Variants in CYB5R4 observed in about 807,000 individuals in gnomAD.
CYB5R4 encodes cytochrome b5 reductase 4, also known as N-terminal cytochrome b5 and cytochrome b5 oxidoreductase domain-containing protein.
Under a neutral mutation model 70.2 loss-of-function variants are expected in CYB5R4, and 55 were observed. The observed-to-expected ratio is 0.78, with a 90% confidence interval of 0.63 to 0.98. The LOEUF (loss-of-function observed/expected upper bound fraction) is 0.98. CYB5R4 is among the 50% of genes least tolerant of loss of function. The pLI, the probability that CYB5R4 is intolerant of heterozygous loss-of-function variation, is 0.00. For synonymous variants in CYB5R4, 197 were observed against 199.5 expected (o/e 0.99, Z 0.11); for missense variants, 562 against 612.6 (o/e 0.92, Z 0.87).
intron 2 of CYB5R4, among the ~76,000 whole-genome samples, chr6:83,878,087 C>T (rs1243948800): frequency 5.3e-5 from 8 of 152,066 alleles, no homozygotes; most frequent in Non-Finnish European, 2.9e-5. Flanking sequence ...TATTTCCAGT[C>T]TGCCAATAAG....
Position 83,918,017 on chromosome 6 carries a change from A to C in CYB5R4, c.458A>C (p.Lys153Thr). 1 of 1,611,072 alleles carries C rather than the reference A, an allele frequency of 6.2e-7. No individual in the cohort carries two copies. The highest frequency in any genetic ancestry group is 8.5e-7 in the Non-Finnish European group (1 of 1,177,716). Residue 153 changes from lysine to threonine, a missense_variant, in exon 6 of 16, where the codon AAG (lysine) becomes ACG (threonine). Transcript: ENST00000369681. ...TTTCTTTGTAAAGGCATGCTTCCCA[A>C]GAGCCAAGTGACAGATACACTTGCC... is the stretch of plus-strand genomic sequence containing the variant. The part of the protein sequence containing the change: ...EKKVLNGMLP[K>T]SQVTDTLAKE...
chr6:83,918,107 T>C, intron 6 of CYB5R4, 42 bp downstream of exon 6: 4 of 1,360,954 alleles, frequency 2.9e-6, no homozygotes, highest in Non-Finnish European at 4.2e-6. Flanking sequence ...AAATCAATTA[T>C]GTACAAAAAT....
At chr6:83,883,358 T>A (rs2099459754) in intron 2 of CYB5R4, among the ~76,000 whole-genome samples, 1 of 152,178 alleles carries the variant, frequency 6.6e-6, no homozygotes, top group South Asian at 2.1e-4. Context: ...GTGAGAGACA[T>A]AAATTGTAAA....
At chr6:83,910,041 A>G (rs771055318) in intron 4 of CYB5R4, 1 of 1,612,316 alleles carries the variant, frequency 6.2e-7, no homozygotes, top group South Asian at 1.1e-5. Flanking sequence ...GTACGCATGC[A>G]TTGGACAGCT....
intron 2 of CYB5R4, 94 bp downstream of exon 2, chr6:83,864,422 T>C (rs1415803718): frequency 8.4e-7 from 1 of 1,186,436 alleles, no homozygotes; most frequent in East Asian, 2.5e-5. Context: ...TTTAAACAAT[T>C]GACAATTTAA....
rs753628844 is a variant in CYB5R4 at position 83,940,093 on chromosome 6, T to A, written c.1146T>A (p.Phe382Leu). The A allele has an allele frequency of 1.9e-6, 3 of 1,611,688 alleles. No homozygotes were observed. Among genetic ancestry groups the A allele is most frequent in the Non-Finnish European group, 1.7e-6 (2 of 1,178,574 alleles). Residue 382 changes from phenylalanine to leucine, a missense_variant, in exon 13 of 16, where the codon TTT (phenylalanine) becomes TTA (leucine). Coordinates refer to ENST00000369681, the MANE Select transcript of CYB5R4 (RefSeq NM_016230.4). ...CTGTAAGCAGTCCTGAGGGCAATTT[T>A]AAAATATCCAAGTTCCAAGAATTAG... The part of the protein sequence containing the change: ...FVSVSSPEGN[F>L]KISKFQELED...
In CYB5R4 at chr6:83,921,089, A is replaced by G. The variant is rs1287162075; in HGVS notation, c.572A>G (p.Asn191Ser). 12 of 1,508,512 alleles carry G rather than the reference A, an allele frequency of 8.0e-6. No individual in the cohort carries two copies. Among genetic ancestry groups the G allele is most frequent in the African/African-American group, 1.4e-5 (1 of 70,520 alleles). 93.4% of individuals were successfully genotyped at this position (1,508,512 alleles called of 1,614,324 possible). Residue 191 changes from asparagine (N) to serine (S), a missense_variant, in exon 8 of 16, where the codon AAT becomes AGT. Transcript: ENST00000369681. ...IAIYTKQKDI[N>S]LDSIIVDHQN... ...TTTTGCTTTCTCTTTAAGGATATCAATTTAGACTCAATAATAGTTGATCAT... is the reference window on the plus strand; with the variant it reads ...TTTTGCTTTCTCTTTAAGGATATCAGTTTAGACTCAATAATAGTTGATCAT...
chr6:83,905,550 C>T (rs192786553), intron 3 of CYB5R4, among the ~76,000 whole-genome samples: 321 of 151,966 alleles, frequency 2.1e-3, no homozygotes, highest in African/African-American at 7.1e-3. Flanking sequence ...GTGGAGGCTG[C>T]GATGAAGTTT....
rs775667495 is a variant in CYB5R4 at position 83,955,266 on chromosome 6, A to T, written c.1347-32A>T. ...ATGTTAATAATATGTTTAAAATAATAAACTTTAAAAAGCTGTTTTTCTTTT... is the reference window on the plus strand; with the variant it reads ...ATGTTAATAATATGTTTAAAATAATTAACTTTAAAAAGCTGTTTTTCTTTT... On this transcript the variant is annotated intron_variant, in intron 14 of 15. Transcript: ENST00000369681. 1.9e-6 allele frequency: 3 copies of T among 1,544,446 alleles called. No homozygotes were observed. The African/African-American group carries it at 4.1e-5, about 21-fold the overall frequency.
intron 2 of CYB5R4, among the ~76,000 whole-genome samples, chr6:83,871,270 C>A (rs1254435903): frequency 6.6e-6 from 1 of 152,148 alleles, no homozygotes; most frequent in Non-Finnish European, 1.5e-5. Context: ...TGAGCCACCA[C>A]ACCTGGCCTG....
intron 4 of CYB5R4, among the ~76,000 whole-genome samples, chr6:83,911,234 G>A (rs1003820720): frequency 5.3e-5 from 8 of 151,732 alleles, no homozygotes; most frequent in African/African-American, 1.9e-4. Context: ...GTGAAACTCT[G>A]TCTCTACAAA....
intron 9 of CYB5R4, among the ~76,000 whole-genome samples, chr6:83,923,251 T>C (rs563387133): frequency 2.4e-4 from 37 of 152,328 alleles, no homozygotes; most frequent in Admixed American, 9.8e-4. Flanking sequence ...TATTTAATAA[T>C]AGAAGACTCA....
At chr6:83,901,690 C>T (rs932786645) in intron 3 of CYB5R4, among the ~76,000 whole-genome samples, 3 of 144,622 alleles carry the variant, frequency 2.1e-5, no homozygotes, top group East Asian at 4.0e-4. Context: ...TCCTCACCAG[C>T]GTCTATTATT....
chr6:83,878,353 A>ATTT lies in CYB5R4; in HGVS notation c.229+14035_229+14037dup, dbSNP rs56795740. 1.3e-4 allele frequency among the ~76,000 whole-genome samples: 19 copies of ATTT among 148,080 alleles called. No homozygotes were observed. The East Asian group carries it at 3.4e-3, about 26-fold the overall frequency. ...CTTTTAAAAAAGATGTGTTTTGTAA[A>ATTT]TTTTTTTTTTTTGAGACAGAGTCCT... On this transcript the variant is annotated intron_variant, in intron 2 of 15. Coordinates refer to ENST00000369681, the MANE Select transcript of CYB5R4 (RefSeq NM_016230.4).
intron 4 of CYB5R4, among the ~76,000 whole-genome samples, chr6:83,913,170 GAC>G (rs1044547794): frequency 2.6e-5 from 4 of 152,116 alleles, no homozygotes; most frequent in African/African-American, 9.7e-5. Context: ...CAACAGCAAA[GAC>G]AGATAAAACT....
chr6:83,866,614 TG>T (rs1270852182), intron 2 of CYB5R4, among the ~76,000 whole-genome samples: 4 of 151,804 alleles, frequency 2.6e-5, no homozygotes, highest in African/African-American at 4.8e-5. Context: ...AATCATGGTT[TG>T]TTTTTTTTTT....
chr6:83,881,199 G>A (rs2099459379), intron 2 of CYB5R4, among the ~76,000 whole-genome samples: 1 of 151,692 alleles, frequency 6.6e-6, no homozygotes, highest in African/African-American at 2.4e-5. Context: ...TTTAGAGACA[G>A]GGTCTTGCTC....
chr6:83,891,664 C>T (rs995143012), intron 2 of CYB5R4, among the ~76,000 whole-genome samples: 2 of 152,172 alleles, frequency 1.3e-5, no homozygotes, highest in African/African-American at 2.4e-5. Flanking sequence ...AAGGGATAGA[C>T]ATTCCTAGTT....
intron 7 of CYB5R4, among the ~76,000 whole-genome samples, chr6:83,920,766 A>T (rs1263403635): frequency 6.6e-6 from 1 of 151,856 alleles, no homozygotes; most frequent in East Asian, 1.9e-4. Flanking sequence ...CATATGGCTT[A>T]TTCAAAAAAT....
Sources: gnomAD v4.1 joint callset for allele counts (sites outside exome capture counted in the v4.1 genomes callset) on GRCh38, gnomAD v4.1.1 for gene constraint, MANE v1.5 for transcripts, NCBI Gene and HGNC (gene_info 2026-07-23, HGNC 2026-07-21) for gene names.